The following MOB1B variants were observed in gnomAD, a reference collection of about 807,000 sequenced individuals.
The protein encoded by MOB1B is MOB1 Mps One Binder homolog B.
Under a neutral mutation model 24.4 loss-of-function variants are expected in MOB1B, and 19 were observed. The ratio of observed to expected loss-of-function variants is 0.78; its 90% CI spans 0.54 to 1.14. MOB1B has a LOEUF of 1.14. Ranked by LOEUF, MOB1B falls within the 50% of genes most tolerant of loss-of-function variation. MOB1B has a pLI of 0.00. For synonymous variants in MOB1B, 76 were observed against 82.1 expected, an observed-to-expected ratio of 0.93 and a Z score of 0.40; for missense variants, 243 against 259.6, an observed-to-expected ratio of 0.94 and a Z score of 0.44.
At chr4:70,930,030 C>T (rs1262731175) in intron 1 of MOB1B, among the ~76,000 whole-genome samples, 1 of 152,262 alleles carries the variant, frequency 6.6e-6, no homozygotes, top group South Asian at 2.1e-4. Flanking sequence ...GTTGGAATTA[C>T]AGGCATGAGC....
chr4:70,932,144 A>G (rs1196419230), intron 1 of MOB1B, among the ~76,000 whole-genome samples: 2 of 152,212 alleles, frequency 1.3e-5, no homozygotes, highest in African/African-American at 4.8e-5. Flanking sequence ...GAGATGGTAC[A>G]GATCTATTTA....
At position 70,986,108 on chromosome 4, in the gene MOB1B, C is replaced by CT. The variant is rs1433574857; in HGVS notation, c.*4054dup. On this transcript the variant is annotated 3_prime_UTR_variant, in exon 6 of 6. Coordinates refer to ENST00000309395, the MANE Select transcript of MOB1B (RefSeq NM_173468.4). The stretch of plus-strand genomic sequence containing the variant: ...TATACTAATGGAAAAAAACCAAGTC[C>CT]TTTCTCTAGAACTTGTTTTCTATTT... 2 of 152,090 alleles carry CT rather than the reference C, an allele frequency of 1.3e-5. No homozygotes were observed. Among genetic ancestry groups the CT allele is most frequent in the Admixed American group, 6.6e-5 (1 of 15,248 alleles). The allele number at this position is 152,090 out of a possible 1,614,324, so 9.4% of individuals were successfully genotyped here. A position where few individuals can be genotyped will look rare whatever the true frequency, so the allele number is the denominator to read the frequency against.
chr4:70,972,821 C>T (rs188522386), intron 3 of MOB1B, among the ~76,000 whole-genome samples: 1,670 of 152,028 alleles, frequency 0.011, 29 homozygotes, highest in African/African-American at 0.038. Context: ...TCACCCAGGC[C>T]GGAGTGCAGT....
At chr4:70,955,450 G>A (rs1390566438) in intron 1 of MOB1B, among the ~76,000 whole-genome samples, 1 of 143,852 alleles carries the variant, frequency 7.0e-6, no homozygotes, top group African/African-American at 2.6e-5. Context: ...AAATATGTTT[G>A]TGAAGTATGT....
rs560401502 is a variant in MOB1B at position 70,987,051 on chromosome 4, C to G, written c.*4994C>G. ...TTCTCAAAGGTAGATAGTAAAATCACTGGCTTTTTCCAGCTGTATGTTTTT... is the reference window on the plus strand; with the variant it reads ...TTCTCAAAGGTAGATAGTAAAATCAGTGGCTTTTTCCAGCTGTATGTTTTT... On this transcript the variant is annotated 3_prime_UTR_variant, in exon 6 of 6. Coordinates refer to ENST00000309395, the MANE Select transcript of MOB1B (RefSeq NM_173468.4). 1 of 151,960 alleles carries G rather than the reference C, an allele frequency of 6.6e-6. No individual in the cohort carries two copies. Among genetic ancestry groups the G allele is most frequent in the South Asian group, 2.1e-4 (1 of 4,830 alleles). The allele number at this position is 151,960 out of a possible 1,614,324, so 9.4% of individuals were successfully genotyped here. A position where few individuals can be genotyped will look rare whatever the true frequency, so the allele number is the denominator to read the frequency against.
chr4:70,935,882 C>T (rs1385110684), intron 1 of MOB1B, among the ~76,000 whole-genome samples: 2 of 123,438 alleles, frequency 1.6e-5, no homozygotes, highest in Non-Finnish European at 1.6e-5. Context: ...GACGGAGTCT[C>T]GCTCTGTTGC....
chr4:70,959,301 T>C (rs1368601529), intron 2 of MOB1B, among the ~76,000 whole-genome samples: 2 of 152,200 alleles, frequency 1.3e-5, no homozygotes, highest in Non-Finnish European at 2.9e-5. Context: ...CTTGAACTCC[T>C]GGGCTCAAGC....
At chr4:70,923,338 A>G (rs532129899) in intron 1 of MOB1B, among the ~76,000 whole-genome samples, 2 of 152,006 alleles carry the variant, frequency 1.3e-5, no homozygotes, top group African/African-American at 2.4e-5. Context: ...AGTGTGTCAC[A>G]TGTCTCTGAT....
At chr4:70,956,981 T>C (rs1010151998) in intron 1 of MOB1B, among the ~76,000 whole-genome samples, 12 of 152,008 alleles carry the variant, frequency 7.9e-5, no homozygotes, top group Non-Finnish European at 1.8e-4. Context: ...CAGCCAGGGG[T>C]TGAGAACTAC....
chr4:70,979,707 T>C (rs1333577190), intron 5 of MOB1B, among the ~76,000 whole-genome samples: 1 of 152,206 alleles, frequency 6.6e-6, no homozygotes, highest in East Asian at 1.9e-4. Context: ...TTTTTGTCCT[T>C]TTGTTTTTTT....
chr4:70,970,692 A>G (rs561059626), intron 3 of MOB1B, among the ~76,000 whole-genome samples: 32 of 152,334 alleles, frequency 2.1e-4, no homozygotes, highest in African/African-American at 7.7e-4. Context: ...CCTTTCATAC[A>G]TGTTTTTTAC....
At chr4:70,909,365 A>T (rs1735887463) in intron 1 of MOB1B, among the ~76,000 whole-genome samples, 1 of 151,890 alleles carries the variant, frequency 6.6e-6, no homozygotes, top group African/African-American at 2.4e-5. Context: ...CAAATAGGCC[A>T]GGTGTGGTAG....
chr4:70,935,720 C>G (rs1471591875), intron 1 of MOB1B, among the ~76,000 whole-genome samples: 1 of 151,514 alleles, frequency 6.6e-6, no homozygotes, highest in African/African-American at 2.4e-5. Context: ...TGCAGTGGCT[C>G]ACTGCAATTT....
intron 2 of MOB1B, among the ~76,000 whole-genome samples, chr4:70,960,151 G>T (rs1210473004): frequency 1.3e-5 from 2 of 151,950 alleles, no homozygotes; most frequent in East Asian, 3.9e-4. Context: ...CAAAGGGCTG[G>T]GATTACAGGT....
chr4:70,926,814 G>A lies in MOB1B; in HGVS notation c.14+24264G>A, dbSNP rs370851751. Among the ~76,000 whole-genome samples the A allele has an allele frequency of 8.6e-5, 13 of 151,826 alleles. No individual in the cohort carries two copies. In the East Asian group the frequency reaches 2.5e-3, roughly 30 times the overall value. On this transcript the variant is annotated intron_variant, in intron 1 of 5. Coordinates refer to ENST00000309395, the MANE Select transcript of MOB1B (RefSeq NM_173468.4). ...GATCGAGACCATCCTGGCTAACACG[G>A]TGAAACCCCGTCTCTACTAAAAATA...
At chr4:70,947,839 G>T (rs1737649870) in intron 1 of MOB1B, among the ~76,000 whole-genome samples, 1 of 152,142 alleles carries the variant, frequency 6.6e-6, no homozygotes, top group Admixed American at 6.5e-5. Context: ...GAACTTCTGA[G>T]ATGAAGTGAT....
chr4:70,917,859 A>G (rs772380207), intron 1 of MOB1B, among the ~76,000 whole-genome samples: 2 of 152,232 alleles, frequency 1.3e-5, no homozygotes, highest in Non-Finnish European at 2.9e-5. Flanking sequence ...ATGATAAACT[A>G]TCTTAAACAG....
At chr4:70,931,930 G>C (rs72646421) in intron 1 of MOB1B, among the ~76,000 whole-genome samples, 6 of 151,822 alleles carry the variant, frequency 4.0e-5, no homozygotes, top group African/African-American at 9.7e-5. Context: ...TGGTCTTACT[G>C]TGTGGCCCAG....
intron 1 of MOB1B, among the ~76,000 whole-genome samples, chr4:70,951,875 A>G (rs1449266352): frequency 6.6e-6 from 1 of 152,204 alleles, no homozygotes; most frequent in East Asian, 1.9e-4. Flanking sequence ...TCAAACAAAC[A>G]AAAAAACAAA....
Sources: gnomAD v4.1 joint callset for allele counts (sites outside exome capture counted in the v4.1 genomes callset) on GRCh38, gnomAD v4.1.1 for gene constraint, MANE v1.5 for transcripts, NCBI Gene and HGNC (gene_info 2026-07-23, HGNC 2026-07-21) for gene names.